The following CCSER1 variants were observed in gnomAD, a reference collection of about 807,000 sequenced individuals.
CCSER1 encodes serine-rich coiled-coil domain-containing protein 1.
A neutral mutation model predicts 82.0 loss-of-function variants in CCSER1; 41 were observed. That is an observed-to-expected ratio of 0.50 (90% CI 0.39 to 0.65). The LOEUF is 0.65. CCSER1 is among the 30% of genes least tolerant of loss of function. The pLI is 0.00. For synonymous variants in CCSER1, 414 were observed against 383.9 expected (o/e 1.08, Z -0.92); for missense variants, 1,119 against 1,064.2 (o/e 1.05, Z -0.72).
chr4:90,460,324 C>CAAAAAAAAAAAAAAAAAAAA (rs751331396), intron 4 of CCSER1, among the ~76,000 whole-genome samples: 24 of 32,624 alleles, frequency 7.4e-4, no homozygotes, highest in East Asian at 1.1e-3. Flanking sequence ...AACTCCGTCT[C>CAAAAAAAAAAAAAAAAAAAA]AAAAAAAAAA....
At chr4:91,430,643 A>G (rs375855069) in intron 10 of CCSER1, among the ~76,000 whole-genome samples, 17 of 152,250 alleles carry the variant, frequency 1.1e-4, no homozygotes, top group African/African-American at 2.4e-4. Context: ...AGAAAACATT[A>G]TGAAATGGAC....
intron 5 of CCSER1, among the ~76,000 whole-genome samples, chr4:90,545,927 A>G (rs549020428): frequency 5.3e-5 from 8 of 152,270 alleles, no homozygotes; most frequent in African/African-American, 1.9e-4. Flanking sequence ...GGCTGTAACA[A>G]AATCCTGCAG....
chr4:90,142,343 G>T (rs764534698), intron 1 of CCSER1, among the ~76,000 whole-genome samples: 1 of 152,192 alleles, frequency 6.6e-6, no homozygotes, highest in Non-Finnish European at 1.5e-5. Flanking sequence ...CTCCTGGGGA[G>T]TTTCTTTTGC....
At chr4:91,351,389 GATTCTT>G (rs1157193175) in intron 10 of CCSER1, among the ~76,000 whole-genome samples, 1 of 151,926 alleles carries the variant, frequency 6.6e-6, no homozygotes, top group Non-Finnish European at 1.5e-5. Flanking sequence ...TAAAAAATGA[GATTCTT>G]AATCTTTGAG....
At chr4:90,490,231 G>C (rs1442265184) in intron 5 of CCSER1, among the ~76,000 whole-genome samples, 1 of 152,070 alleles carries the variant, frequency 6.6e-6, no homozygotes, top group East Asian at 1.9e-4. Flanking sequence ...GTGTGAGATG[G>C]TATCTCATTA....
intron 2 of CCSER1, among the ~76,000 whole-genome samples, chr4:90,312,218 C>T (rs1657681758): frequency 6.6e-6 from 1 of 152,108 alleles, no homozygotes; most frequent in African/African-American, 2.4e-5. Context: ...TGTACCAGAG[C>T]AGCAAGAGTC....
At chr4:90,589,691 T>C (rs1473544776) in intron 5 of CCSER1, among the ~76,000 whole-genome samples, 2 of 152,116 alleles carry the variant, frequency 1.3e-5, no homozygotes, top group Admixed American at 6.6e-5. Flanking sequence ...TCATTCTTCA[T>C]CTAATATCTA....
intron 6 of CCSER1, among the ~76,000 whole-genome samples, chr4:90,671,037 A>G (rs1017118670): frequency 6.6e-6 from 1 of 152,092 alleles, no homozygotes; most frequent in Admixed American, 6.6e-5. Context: ...AATTATGTCT[A>G]AGAAACCATG....
At chr4:90,325,923 CTTT>C (rs1237174100) in intron 3 of CCSER1, among the ~76,000 whole-genome samples, 1 of 152,046 alleles carries the variant, frequency 6.6e-6, no homozygotes, top group Non-Finnish European at 1.5e-5. Flanking sequence ...TATTCATACT[CTTT>C]TTAAGTAATT....
At chr4:91,171,014 A>G (rs906779816) in intron 10 of CCSER1, among the ~76,000 whole-genome samples, 1 of 152,202 alleles carries the variant, frequency 6.6e-6, no homozygotes, top group African/African-American at 2.4e-5. Flanking sequence ...GAGTACTGCT[A>G]TATAAACATG....
intron 10 of CCSER1, among the ~76,000 whole-genome samples, chr4:91,327,447 G>A (rs917642771): frequency 9.2e-5 from 14 of 152,192 alleles, no homozygotes; most frequent in African/African-American, 3.4e-4. Context: ...CATGTCTCAA[G>A]GCAGCACAGA....
chr4:91,580,958 G>A (rs989334999), intron 10 of CCSER1, among the ~76,000 whole-genome samples: 11 of 151,634 alleles, frequency 7.3e-5, no homozygotes, highest in African/African-American at 2.4e-4. Context: ...ACCTTTAAGT[G>A]ACTAAGATAG....
At chr4:91,532,007 C>G (rs1761056390) in intron 10 of CCSER1, among the ~76,000 whole-genome samples, 1 of 152,154 alleles carries the variant, frequency 6.6e-6, no homozygotes, top group South Asian at 2.1e-4. Context: ...GCCACTGCTC[C>G]AGGCCTACAA....
intron 6 of CCSER1, among the ~76,000 whole-genome samples, chr4:90,675,169 A>G (rs1215524017): frequency 6.6e-6 from 1 of 152,010 alleles, no homozygotes; most frequent in Non-Finnish European, 1.5e-5. Flanking sequence ...TGTGACGAGG[A>G]TAAAAGGAGT....
Position 90,903,040 on chromosome 4 carries a change from A to G in CCSER1, c.2095-20330A>G, listed in dbSNP as rs371222353. Among the ~76,000 whole-genome samples the G allele has an allele frequency of 1.6e-4, 25 of 152,124 alleles. No homozygotes were observed. The South Asian group carries it at 5.0e-3, about 30-fold the overall frequency. The stretch of plus-strand genomic sequence containing the variant: ...CAGCACAGCTGCAGCTGGCAGGTAC[A>G]CCCTTTGGCTGCTACCACCGCACAT... On this transcript the variant is annotated intron_variant, in intron 8 of 10. Coordinates refer to ENST00000509176, the MANE Select transcript of CCSER1 (RefSeq NM_001145065.2).
intron 1 of CCSER1, among the ~76,000 whole-genome samples, chr4:90,196,948 A>T (rs1736737472): frequency 6.6e-6 from 1 of 152,046 alleles, no homozygotes; most frequent in South Asian, 2.1e-4. Context: ...CAACTGTGAC[A>T]CTATGTACCT....
At chr4:90,948,301 AT>A (rs1456297450) in intron 9 of CCSER1, among the ~76,000 whole-genome samples, 3 of 151,874 alleles carry the variant, frequency 2.0e-5, no homozygotes, top group African/African-American at 7.2e-5. Context: ...AAATGTAAAT[AT>A]AAATAAATAT....
intron 1 of CCSER1, among the ~76,000 whole-genome samples, chr4:90,152,609 T>G (rs2153352687): frequency 1.3e-5 from 2 of 152,262 alleles, no homozygotes. Context: ...CAGTGGATTA[T>G]GTGAACATGT....
intron 7 of CCSER1, among the ~76,000 whole-genome samples, chr4:90,793,583 T>TG (rs1302368637): frequency 1.3e-5 from 2 of 152,206 alleles, no homozygotes; most frequent in African/African-American, 4.8e-5. Flanking sequence ...TTGATGGACA[T>TG]TTAGGTTGAT....
Sources: gnomAD v4.1 joint callset for allele counts (sites outside exome capture counted in the v4.1 genomes callset) on GRCh38, gnomAD v4.1.1 for gene constraint, MANE v1.5 for transcripts, NCBI Gene and HGNC (gene_info 2026-07-23, HGNC 2026-07-21) for gene names.